The following RIMS2 variants were observed in gnomAD, a reference collection of about 807,000 sequenced individuals.
The protein encoded by RIMS2 is regulating synaptic membrane exocytosis protein 2.
Under a neutral mutation model 174.4 loss-of-function variants are expected in RIMS2, and 59 were observed. The ratio of observed to expected loss-of-function variants is 0.34; its 90% CI spans 0.27 to 0.42. The LOEUF (loss-of-function observed/expected upper bound fraction) is 0.42. Among genes scored for constraint, RIMS2 ranks in the 10% least tolerant of loss-of-function variants. The probability of loss-of-function intolerance (pLI) is 1.00; values close to 1 mark genes in which losing one functional copy is unlikely to be tolerated. For synonymous variants in RIMS2, 606 were observed against 572.5 expected (o/e 1.06, Z -0.84); for missense variants, 1,620 against 1,666.3 (o/e 0.97, Z 0.48).
intron 15 of RIMS2, 48 bp downstream of exon 17, chr8:103,961,181 C>A (rs2089929064): frequency 2.4e-6 from 2 of 837,850 alleles, no homozygotes; most frequent in Non-Finnish European, 2.1e-6. Flanking sequence ...GAGTGCAATT[C>A]ATCATCATTT....
rs757866308 is a variant in RIMS2, at chr8:103,702,985, G to T, written c.387+5689G>T. On this transcript the variant is annotated intron_variant, in intron 2 of 23. Coordinates refer to ENST00000504942, the Ensembl canonical transcript of RIMS2. ...TGTTGTTGGGTGTTTTTGTGAGTTT[G>T]TTTTTTTTTTTTTTGAGACAAGATC... Among the ~76,000 whole-genome samples the T allele has an allele frequency of 3.4e-3, 369 of 107,072 alleles. 5 individuals carry two copies. Among genetic ancestry groups the T allele is most frequent in the Middle Eastern group, 6.3e-3 (1 of 158 alleles). The allele number at this position is 107,072 out of a possible 152,430, so 70.2% of individuals were successfully genotyped here. A position where few individuals can be genotyped will look rare whatever the true frequency, so the allele number is the denominator to read the frequency against.
chr8:103,968,965 T>C (rs2092513544), intron 15 of RIMS2, among the ~76,000 whole-genome samples: 1 of 152,126 alleles, frequency 6.6e-6, no homozygotes, highest in Non-Finnish European at 1.5e-5. Flanking sequence ...TTTTGAAGGA[T>C]AATTTCACAG....
At chr8:104,066,564 T>C (rs181875688) in intron 19 of RIMS2, among the ~76,000 whole-genome samples, 3 of 152,290 alleles carry the variant, frequency 2.0e-5, no homozygotes, top group African/African-American at 7.2e-5. Context: ...GAAGACATGT[T>C]TACCTGAAAA....
chr8:103,586,123 G>A (rs1385563072), intron 1 of RIMS2, among the ~76,000 whole-genome samples: 1 of 152,162 alleles, frequency 6.6e-6, no homozygotes, highest in East Asian at 1.9e-4. Context: ...GCTAAAGAGA[G>A]AGGTAGGCCC....
At chr8:103,921,985 A>G (rs1309994230) in intron 10 of RIMS2, 2 of 308,102 alleles carry the variant, frequency 6.5e-6, no homozygotes, top group African/African-American at 4.4e-5. Context: ...GATTTACTGA[A>G]ATTTAATAAA....
intron 19 of RIMS2, among the ~76,000 whole-genome samples, chr8:104,057,617 T>C (rs2096893804): frequency 6.6e-6 from 1 of 151,792 alleles, no homozygotes; most frequent in Non-Finnish European, 1.5e-5. Flanking sequence ...GTGCACAATG[T>C]GCAGGTTAGT....
At chr8:104,178,506 A>G (rs577274873) in intron 19 of RIMS2, among the ~76,000 whole-genome samples, 2 of 152,182 alleles carry the variant, frequency 1.3e-5, no homozygotes, top group African/African-American at 4.8e-5. Flanking sequence ...TCTTTTAAGG[A>G]GTCAATTATA....
chr8:103,677,651 G>A (rs1360141566), intron 1 of RIMS2, among the ~76,000 whole-genome samples: 1 of 152,068 alleles, frequency 6.6e-6, no homozygotes, highest in Non-Finnish European at 1.5e-5. Flanking sequence ...GCTCTATTTT[G>A]GTTCCTACTT....
intron 19 of RIMS2, among the ~76,000 whole-genome samples, chr8:104,070,938 A>G (rs2097185381): frequency 6.6e-6 from 1 of 152,184 alleles, no homozygotes; most frequent in African/African-American, 2.4e-5. Flanking sequence ...CCTAACAAGC[A>G]GCAAGTAAGT....
At chr8:104,182,188 G>A (rs2098943963) in intron 19 of RIMS2, among the ~76,000 whole-genome samples, 1 of 151,688 alleles carries the variant, frequency 6.6e-6, no homozygotes, top group Non-Finnish European at 1.5e-5. Context: ...TAATCCATTA[G>A]CATGTTTTTA....
intron 1 of RIMS2, among the ~76,000 whole-genome samples, chr8:103,504,731 T>G (rs925202151): frequency 3.3e-5 from 5 of 152,056 alleles, no homozygotes; most frequent in Non-Finnish European, 7.4e-5. Context: ...AGCACATATA[T>G]AGTGAGCAGT....
At chr8:104,143,401 T>C (rs942791566) in intron 19 of RIMS2, among the ~76,000 whole-genome samples, 20 of 152,218 alleles carry the variant, frequency 1.3e-4, no homozygotes, top group Non-Finnish European at 2.9e-4. Flanking sequence ...TGCTGTTTTT[T>C]TTCCTGCAAA....
At chr8:103,937,533 C>T (rs1366566224) in intron 13 of RIMS2, among the ~76,000 whole-genome samples, 1 of 152,048 alleles carries the variant, frequency 6.6e-6, no homozygotes, top group Admixed American at 6.6e-5. Flanking sequence ...GTGATACAGA[C>T]ACATGAATAG....
intron 3 of RIMS2, among the ~76,000 whole-genome samples, chr8:103,818,390 G>A (rs1448141880): frequency 1.3e-5 from 2 of 152,112 alleles, no homozygotes; most frequent in African/African-American, 4.8e-5. Context: ...GATCTGTTAT[G>A]GAAAGATGGA....
At chr8:103,738,630 T>C (rs1038469118) in intron 2 of RIMS2, among the ~76,000 whole-genome samples, 1 of 152,020 alleles carries the variant, frequency 6.6e-6, no homozygotes, top group African/African-American at 2.4e-5. Flanking sequence ...TGCAATCTAC[T>C]CATCTGACAA....
intron 19 of RIMS2, among the ~76,000 whole-genome samples, chr8:104,044,118 T>A (rs1205301926): frequency 6.6e-6 from 1 of 151,570 alleles, no homozygotes; most frequent in Non-Finnish European, 1.5e-5. Flanking sequence ...CAACATTCCA[T>A]TCATGATACG....
chr8:104,010,008 G>GGACGGACA (rs1555128078), intron 17 of RIMS2, among the ~76,000 whole-genome samples: 8 of 151,690 alleles, frequency 5.3e-5, no homozygotes, highest in African/African-American at 1.7e-4. Context: ...ATGGATGGAT[G>GGACGGACA]GATGGACGGA....
chr8:103,677,533 A>T (rs551866004), intron 1 of RIMS2, among the ~76,000 whole-genome samples: 62 of 152,304 alleles, frequency 4.1e-4, no homozygotes, highest in African/African-American at 1.4e-3. Context: ...GATCTTAAGA[A>T]TCCGAGAGAG....
intron 14 of RIMS2, among the ~76,000 whole-genome samples, chr8:103,959,581 C>G (rs1251255501): frequency 6.6e-6 from 1 of 151,494 alleles, no homozygotes; most frequent in African/African-American, 2.4e-5. Context: ...TATTTTTTTT[C>G]TTTTTTTATT....
Sources: gnomAD v4.1 joint callset for allele counts (sites outside exome capture counted in the v4.1 genomes callset) on GRCh38, gnomAD v4.1.1 for gene constraint, MANE v1.5 for transcripts, NCBI Gene and HGNC (gene_info 2026-07-23, HGNC 2026-07-21) for gene names.